The following EML5 variants were observed in gnomAD, a reference collection of about 807,000 sequenced individuals.
The protein encoded by EML5 is EMAP like 5.
In EML5, 120 loss-of-function variants were observed where a neutral mutation model predicts 250.0. That is an observed-to-expected ratio of 0.48 (90% CI 0.41 to 0.56). EML5 has a LOEUF of 0.56. Ranked by LOEUF, EML5 falls within the 20% of genes least tolerant of loss-of-function variation. EML5 has a pLI of 0.00. For missense variants in EML5, 2,006 were observed against 2,437.6 expected, an observed-to-expected ratio of 0.82 and a Z score of 3.73; for synonymous variants, 771 against 806.5, an observed-to-expected ratio of 0.96 and a Z score of 0.75.
chr14:88,724,890 C>G (rs1157806443), intron 8 of EML5, among the ~76,000 whole-genome samples: 1 of 152,112 alleles, frequency 6.6e-6, no homozygotes, highest in Non-Finnish European at 1.5e-5. Context: ...ATTCCAGAAT[C>G]AATAGATCAA....
At chr14:88,658,571 A>T (rs2091956098) in intron 25 of EML5, among the ~76,000 whole-genome samples, 183 bp from the exon 26 acceptor site, 1 of 152,202 alleles carries the variant, frequency 6.6e-6, no homozygotes, top group African/African-American at 2.4e-5. Context: ...CCTGTTAAGG[A>T]CAAGATCTAA....
rs199810358 is a variant in EML5, at chr14:88,680,628, A to G, written c.3124+1262T>C. On this transcript the variant is annotated intron_variant, in intron 21 of 43. Transcript: ENST00000554922. The stretch of plus-strand genomic sequence containing the variant: ...TACTCATTATAGTACTAGCTTTCAA[A>G]TTTTTATGTTAATTTTAGGTTCCAA... Among the ~76,000 whole-genome samples the G allele has an allele frequency of 1.6e-4, 24 of 152,266 alleles. No individual in the cohort carries two copies. In the East Asian group the frequency reaches 3.9e-3, roughly 24 times the overall value.
At chr14:88,736,623 G>A (rs2093844314) in intron 6 of EML5, 58 bp from the exon 7 acceptor site, 1 of 1,537,636 alleles carries the variant, frequency 6.5e-7, no homozygotes. Flanking sequence ...AGCAGCAGGA[G>A]GCAGACAAAT....
At chr14:88,776,561 C>G (rs953939125) in intron 1 of EML5, among the ~76,000 whole-genome samples, 2 of 151,776 alleles carry the variant, frequency 1.3e-5, no homozygotes, top group Non-Finnish European at 2.9e-5. Flanking sequence ...TTATTTTAAT[C>G]AGAGAAGACA....
chr14:88,783,726 A>G (rs536294926), intron 1 of EML5, among the ~76,000 whole-genome samples: 2 of 152,292 alleles, frequency 1.3e-5, no homozygotes, highest in South Asian at 4.1e-4. Flanking sequence ...AGATTTCAAC[A>G]ACCCATTTGC....
chr14:88,662,339 GTTTTTTTT>G (rs71127000), intron 24 of EML5, among the ~76,000 whole-genome samples: 48 of 55,656 alleles, frequency 8.6e-4, no homozygotes, highest in African/African-American at 2.9e-3. Context: ...AATTTTTCTT[GTTTTTTTT>G]TTTTTTTTTT....
At chr14:88,712,619 G>T (rs1324954347) in intron 9 of EML5, 136 bp from the exon 10 acceptor site, 3 of 621,402 alleles carry the variant, frequency 4.8e-6, no homozygotes, top group Non-Finnish European at 8.2e-6. Context: ...ACATAAATAG[G>T]TAGATAAGTT....
chr14:88,663,186 G>A (rs1483741163), intron 23 of EML5, 67 bp from the exon 24 acceptor site: 1 of 1,077,268 alleles, frequency 9.3e-7, no homozygotes, highest in Non-Finnish European at 1.3e-6. Flanking sequence ...CCATCAGTAT[G>A]ATGTTTAAGT....
Position 88,792,255 on chromosome 14 carries a change from A to T in EML5, c.197+52T>A. 6.5e-7 allele frequency: 1 copy of T among 1,527,670 alleles called. No homozygotes were observed. The highest frequency in any genetic ancestry group is 8.8e-7 in the Non-Finnish European group (1 of 1,138,508). 94.6% of individuals were successfully genotyped at this position (1,527,670 alleles called of 1,614,324 possible). Reference sequence around the variant, plus strand: ...GCGTCCAGAGGAACCCGCGGGTGCAAACTCCGGGAGCGGCTTGCAGGGTGA... The same window carrying T: ...GCGTCCAGAGGAACCCGCGGGTGCATACTCCGGGAGCGGCTTGCAGGGTGA... On this transcript the variant is annotated intron_variant, in intron 1 of 43. Coordinates refer to ENST00000554922, the MANE Select transcript of EML5 (RefSeq NM_183387.3). This position sits in a 1 kb window ranked among gnomAD's most constrained non-coding sequence, Gnocchi z 6.9.
intron 1 of EML5, among the ~76,000 whole-genome samples, chr14:88,768,600 C>T (rs985583573): frequency 7.9e-5 from 12 of 152,118 alleles, no homozygotes; most frequent in Non-Finnish European, 1.6e-4. Context: ...TTAGTACAGA[C>T]GGGGTTCCAC....
In EML5 at chr14:88,704,947, T is replaced by G. The variant is rs751381199; in HGVS notation, c.1964A>C (p.Glu655Ala). 6.2e-7 allele frequency: 1 copy of G among 1,612,808 alleles called. No homozygotes were observed. Among genetic ancestry groups the G allele is most frequent in the Non-Finnish European group, 8.5e-7 (1 of 1,179,298 alleles). ...VYKEDLPQLK[E>A]QCKEKQKSAT... ...ACTTTTTTGTTTCTCTTTGCACTGT[T>G]CTTTAAGCTGAGGTAGATCTTCTTT... The change falls in exon 13 of 44, where the codon GAA becomes GCA. Residue 655 changes from glutamate to alanine, a missense_variant. Glu to Ala is a moderately radical substitution (Grantham distance 107). This residue lies in a region of EML5 where 1,375 missense variants were observed against 1,590.3 expected (regional missense o/e 0.86). Coordinates refer to ENST00000554922, the MANE Select transcript of EML5 (RefSeq NM_183387.3).
chr14:88,686,579 G>T (rs2141228078), intron 19 of EML5, among the ~76,000 whole-genome samples: 1 of 151,926 alleles, frequency 6.6e-6, no homozygotes, highest in African/African-American at 2.4e-5. Context: ...CAGTGCTTCG[G>T]GAGGCCAAGT....
Position 88,660,322 on chromosome 14 carries a change from CT to C in EML5, c.3675+1331del, listed in dbSNP as rs561674125. Among the ~76,000 whole-genome samples the C allele has an allele frequency of 5.2e-4, 78 of 150,938 alleles. 1 individual carries two copies. The highest frequency in any genetic ancestry group is 1.9e-3 in the African/African-American group (78 of 41,098). ...AAGAAAGGAATGCATTGTATCTGGA[CT>C]TGATATATAAATTTTATTTCCGTGT... is the stretch of plus-strand genomic sequence containing the variant. On this transcript the variant is annotated intron_variant, in intron 25 of 43. Transcript: ENST00000554922.
intron 20 of EML5, among the ~76,000 whole-genome samples, chr14:88,683,789 G>A (rs1342568920): frequency 6.6e-6 from 1 of 151,964 alleles, no homozygotes; most frequent in African/African-American, 2.4e-5. Context: ...GGAATAAAAG[G>A]GTAGTAACTC....
chr14:88,738,189 T>C (rs2093874021), intron 6 of EML5, among the ~76,000 whole-genome samples: 1 of 152,162 alleles, frequency 6.6e-6, no homozygotes, highest in Admixed American at 6.5e-5. Context: ...TACATGCTTA[T>C]TATGTGCTAT....
intron 2 of EML5, among the ~76,000 whole-genome samples, chr14:88,748,538 G>T (rs1329944124): frequency 6.6e-6 from 1 of 152,118 alleles, no homozygotes; most frequent in Non-Finnish European, 1.5e-5. Context: ...TTGACTATTT[G>T]CCAGAACAGT....
In EML5 at chr14:88,704,851, G is replaced by C. The variant is rs575843124; in HGVS notation, c.2051+9C>G. 16 of 1,598,064 alleles carry C rather than the reference G, an allele frequency of 1.0e-5. No individual in the cohort carries two copies. The African/African-American group carries it at 2.0e-4, about 20-fold the overall frequency. On this transcript the variant is annotated intron_variant, in intron 13 of 43. Transcript: ENST00000554922. ...TCAAACAAATAAATGAAAGATAGTT[G>C]TTTTATACCCGTGAACAAAGTGTAA...
At chr14:88,771,722 T>G (rs966526551) in intron 1 of EML5, among the ~76,000 whole-genome samples, 10 of 152,228 alleles carry the variant, frequency 6.6e-5, no homozygotes, top group Non-Finnish European at 1.3e-4. Flanking sequence ...TGATAAACTG[T>G]ATGTCCTTAT....
chr14:88,791,622 A>G (rs1279773078), intron 1 of EML5, among the ~76,000 whole-genome samples: 1 of 152,242 alleles, frequency 6.6e-6, no homozygotes, highest in Non-Finnish European at 1.5e-5. Context: ...AGAAAATACA[A>G]AAGTAGCTTA....
Sources: allele counts gnomAD v4.1 joint callset (sites outside exome capture counted in the v4.1 genomes callset), GRCh38; gene constraint gnomAD v4.1.1; regional missense constraint gnomAD v4.1.1; non-coding constraint Gnocchi (gnomAD v3.1); transcripts MANE v1.5; gene names NCBI Gene and HGNC (gene_info 2026-07-23, HGNC 2026-07-21).